The following PRKN variants were observed in gnomAD, a reference collection of about 807,000 sequenced individuals.
PRKN encodes parkin RBR E3 ubiquitin protein ligase.
PRKN carries 56 observed loss-of-function variants against 59.5 expected under a neutral mutation model. The observed-to-expected ratio is 0.94, with a 90% confidence interval of 0.76 to 1.18. The LOEUF (loss-of-function observed/expected upper bound fraction) is 1.18, where lower values mean the gene tolerates loss of function less well. Among genes scored for constraint, PRKN ranks in the 50% most tolerant of loss-of-function variants. PRKN has a pLI of 0.00. For missense variants in PRKN, 657 were observed against 596.4 expected (o/e 1.10, Z -1.06); for synonymous variants, 250 against 222.1 (o/e 1.13, Z -1.12).
rs140484391 is a variant in PRKN at position 162,215,331 on chromosome 6, T to C, written c.413-14079A>G. Among the ~76,000 whole-genome samples the C allele has an allele frequency of 3.6e-3, 551 of 152,272 alleles. 3 individuals carry two copies. Among genetic ancestry groups the C allele is most frequent in the Non-Finnish European group, 4.5e-3 (304 of 68,008 alleles). On this transcript the variant is annotated intron_variant, in intron 3 of 11. Transcript: ENST00000366898. ...TAGACTTGAAACTAATGGTGTGGTATAAAAAAGTCTTTCAGCTTGCAAAAG... is the reference window on the plus strand; with the variant it reads ...TAGACTTGAAACTAATGGTGTGGTACAAAAAAGTCTTTCAGCTTGCAAAAG...
chr6:162,683,337 A>T (rs900062612), intron 1 of PRKN, among the ~76,000 whole-genome samples: 21 of 152,284 alleles, frequency 1.4e-4, no homozygotes, highest in African/African-American at 4.8e-4. Context: ...AGCAGAGAGA[A>T]CATTTTCATC....
At chr6:162,522,057 T>C (rs6935012) in intron 1 of PRKN, among the ~76,000 whole-genome samples, 16,475 of 152,254 alleles carry the variant, frequency 0.11, 1,035 homozygotes, top group South Asian at 0.18. Flanking sequence ...CTCAACCTGA[T>C]AGTTTTCTTT....
Position 161,717,235 on chromosome 6 carries a change from G to A in PRKN, c.871+68537C>T, listed in dbSNP as rs376304576. ...ACATCGAGAGGAGGCCATCCAGTGC[G>A]GGCCTTCTTGCTGTACCAGCCCATG... On this transcript the variant is annotated intron_variant, in intron 7 of 11. Coordinates refer to ENST00000366898, the MANE Select transcript of PRKN (RefSeq NM_004562.3). 2.6e-4 allele frequency among the ~76,000 whole-genome samples: 39 copies of A among 152,276 alleles called. 1 individual carries two copies. The East Asian group carries it at 2.9e-3, about 11-fold the overall frequency.
intron 4 of PRKN, among the ~76,000 whole-genome samples, chr6:162,103,739 C>G (rs1052675512): frequency 1.3e-5 from 2 of 152,116 alleles, no homozygotes; most frequent in African/African-American, 2.4e-5. Context: ...CAGAAAGGCC[C>G]GGATTCACAA....
intron 6 of PRKN, among the ~76,000 whole-genome samples, chr6:161,962,831 G>A (rs1036477822): frequency 5.3e-5 from 8 of 149,860 alleles, no homozygotes; most frequent in South Asian, 2.3e-4. Context: ...CACCTCACCC[G>A]GCCGCTCCAT....
intron 1 of PRKN, among the ~76,000 whole-genome samples, chr6:162,488,301 A>AT (rs1280385618): frequency 1.3e-5 from 2 of 152,272 alleles, no homozygotes; most frequent in Non-Finnish European, 2.9e-5. Flanking sequence ...AAACGCCCCT[A>AT]TGCCTGATCC....
At chr6:161,455,815 A>G (rs1429083230) in intron 9 of PRKN, among the ~76,000 whole-genome samples, 1 of 150,726 alleles carries the variant, frequency 6.6e-6, no homozygotes, top group Non-Finnish European at 1.5e-5. Flanking sequence ...GTGAGCTGAG[A>G]TCGCGCCACT....
chr6:162,526,270 G>GA (rs200722148), intron 1 of PRKN, among the ~76,000 whole-genome samples: 48,509 of 132,666 alleles, frequency 0.37, 8,925 homozygotes, highest in East Asian at 0.51. Context: ...CAAGGCTAAG[G>GA]GAAAAAAAAA....
chr6:162,426,443 AT>A (rs1332086548), intron 2 of PRKN, among the ~76,000 whole-genome samples: 1 of 152,170 alleles, frequency 6.6e-6, no homozygotes, highest in Non-Finnish European at 1.5e-5. Context: ...AAAGACCTAT[AT>A]TTAAAAACTA....
chr6:161,722,287 C>G (rs1049137286), intron 7 of PRKN, among the ~76,000 whole-genome samples: 2 of 152,112 alleles, frequency 1.3e-5, no homozygotes, highest in Admixed American at 6.6e-5. Flanking sequence ...TTGATTTTTA[C>G]GTAACTGGAT....
At chr6:162,656,480 G>A (rs1201571880) in intron 1 of PRKN, among the ~76,000 whole-genome samples, 4 of 152,162 alleles carry the variant, frequency 2.6e-5, no homozygotes, top group African/African-American at 7.2e-5. Context: ...GCTAAAAGGT[G>A]TATGTCATAC....
intron 1 of PRKN, among the ~76,000 whole-genome samples, chr6:162,671,951 T>C (rs1246238326): frequency 1.3e-5 from 2 of 151,936 alleles, no homozygotes; most frequent in Admixed American, 6.6e-5. Context: ...GGCTGCAGAC[T>C]GTGAGTGCTG....
intron 3 of PRKN, among the ~76,000 whole-genome samples, chr6:162,226,704 T>C (rs930775877): frequency 6.6e-6 from 1 of 152,292 alleles, no homozygotes; most frequent in South Asian, 2.1e-4. Context: ...CAGCTATTTT[T>C]TGTATTTTTA....
intron 6 of PRKN, among the ~76,000 whole-genome samples, chr6:161,864,950 G>A (rs975844499): frequency 2.6e-5 from 4 of 152,106 alleles, no homozygotes; most frequent in South Asian, 2.1e-4. Context: ...CATCGTGCCC[G>A]GCCTCCAAAA....
chr6:161,776,264 T>A (rs2128204343), intron 7 of PRKN, among the ~76,000 whole-genome samples: 1 of 152,344 alleles, frequency 6.6e-6, no homozygotes, highest in Admixed American at 6.5e-5. Flanking sequence ...GGGTGCTTCA[T>A]CATTTCAAAA....
chr6:161,402,415 G>A lies in PRKN; in HGVS notation c.1084-15538C>T, dbSNP rs1216322114. 6.6e-6 allele frequency among the ~76,000 whole-genome samples: 1 copy of A among 152,166 alleles called. No individual in the cohort carries two copies. The highest frequency in any genetic ancestry group is 1.5e-5 in the Non-Finnish European group (1 of 68,034). Reference sequence around the variant, plus strand: ...CAAGTGACTGTGTCCCAGGGCGGCTGAGATAATGCGCGGATCTCAGGTGAG... The same window carrying A: ...CAAGTGACTGTGTCCCAGGGCGGCTAAGATAATGCGCGGATCTCAGGTGAG... On this transcript the variant is annotated intron_variant, in intron 9 of 11. Coordinates refer to ENST00000366898, the MANE Select transcript of PRKN (RefSeq NM_004562.3). The surrounding 1 kb of genome is among the most constrained non-coding windows in gnomAD (Gnocchi z 4.5).
rs1333120874 is a variant in PRKN, at chr6:162,451,404, A to G, written c.8-7931T>C. ...AAAAAAAATTGCAATGAGTGGAAAG[A>G]TATGACAGATAATCAGAGAAATAGA... On this transcript the variant is annotated intron_variant, in intron 1 of 11. Coordinates refer to ENST00000366898, the MANE Select transcript of PRKN (RefSeq NM_004562.3). 3.3e-5 allele frequency among the ~76,000 whole-genome samples: 5 copies of G among 151,452 alleles called. No individual in the cohort carries two copies. The East Asian group carries it at 9.6e-4, about 29-fold the overall frequency.
chr6:162,528,922 G>C (rs1230288577), intron 1 of PRKN, among the ~76,000 whole-genome samples: 1 of 152,100 alleles, frequency 6.6e-6, no homozygotes, highest in Non-Finnish European at 1.5e-5. Context: ...GTGTCGCCCA[G>C]GCTGGAGTGC....
At chr6:161,510,844 G>A (rs1033590734) in intron 9 of PRKN, among the ~76,000 whole-genome samples, 6 of 152,186 alleles carry the variant, frequency 3.9e-5, no homozygotes, top group African/African-American at 1.4e-4. Flanking sequence ...TCCATTGGAA[G>A]TGGGCTGAAA....
Sources: allele counts gnomAD v4.1 joint callset (sites outside exome capture counted in the v4.1 genomes callset), GRCh38; gene constraint gnomAD v4.1.1; non-coding constraint Gnocchi (gnomAD v3.1); transcripts MANE v1.5; gene names NCBI Gene and HGNC (gene_info 2026-07-23, HGNC 2026-07-21).